The following RTN4IP1 variants were observed in gnomAD, a reference collection of about 807,000 sequenced individuals.
RTN4IP1 encodes the protein reticulon 4 interacting protein 1.
Under a neutral mutation model 46.6 loss-of-function variants are expected in RTN4IP1, and 32 were observed. The ratio of observed to expected loss-of-function variants is 0.69; its 90% CI spans 0.52 to 0.92. RTN4IP1 has a LOEUF of 0.92. RTN4IP1 is among the 40% of genes least tolerant of loss of function. RTN4IP1 has a pLI of 0.00. For missense variants in RTN4IP1, 424 were observed against 485.8 expected, an observed-to-expected ratio of 0.87 and a Z score of 1.20; for synonymous variants, 167 against 161.8, an observed-to-expected ratio of 1.03 and a Z score of -0.24.
intron 5 of RTN4IP1, among the ~76,000 whole-genome samples, chr6:106,602,618 A>G (rs948595623): frequency 4.6e-5 from 7 of 152,176 alleles, no homozygotes; most frequent in Admixed American, 1.3e-4. Context: ...TTCCTTCTAC[A>G]TTAGAATATT....
In RTN4IP1 at chr6:106,621,413, T is replaced by C; in HGVS notation, c.495+12A>G. 6.3e-7 allele frequency: 1 copy of C among 1,599,472 alleles called. No individual in the cohort carries two copies. Among genetic ancestry groups the C allele is most frequent in the Non-Finnish European group, 8.6e-7 (1 of 1,166,762 alleles). On this transcript the variant is annotated intron_variant, in intron 3 of 8. Transcript: ENST00000369063. Reference sequence around the variant, plus strand: ...AACTTTCTAATGCATTTCAGCAGAGTTGGTAAGTTACCTCATTCCCACTGA... The same window carrying C: ...AACTTTCTAATGCATTTCAGCAGAGCTGGTAAGTTACCTCATTCCCACTGA...
At chr6:106,595,252 T>C (rs935728624) in intron 5 of RTN4IP1, among the ~76,000 whole-genome samples, 3 of 152,242 alleles carry the variant, frequency 2.0e-5, no homozygotes, top group Admixed American at 1.3e-4. Flanking sequence ...CACGTCGCTC[T>C]GTCCTCTGTA....
At chr6:106,616,075 C>G (rs746408985) in intron 4 of RTN4IP1, among the ~76,000 whole-genome samples, 6 of 152,108 alleles carry the variant, frequency 3.9e-5, no homozygotes, top group Non-Finnish European at 8.8e-5. Context: ...TGTGCCAACA[C>G]GTCCAGCTAA....
At chr6:106,627,846 G>A (rs1162756717) in intron 1 of RTN4IP1, among the ~76,000 whole-genome samples, 2 of 129,792 alleles carry the variant, frequency 1.5e-5, no homozygotes, top group Non-Finnish European at 3.1e-5. Context: ...TCCGCCTTCC[G>A]GATTCAAGCG....
At chr6:106,597,223 A>G (rs1018350057) in intron 5 of RTN4IP1, among the ~76,000 whole-genome samples, 1 of 152,162 alleles carries the variant, frequency 6.6e-6, no homozygotes, top group East Asian at 1.9e-4. Context: ...AAGTTTCTTT[A>G]ATTATTGTTT....
chr6:106,596,629 T>C (rs1775799930), intron 5 of RTN4IP1, among the ~76,000 whole-genome samples: 1 of 152,200 alleles, frequency 6.6e-6, no homozygotes, highest in Non-Finnish European at 1.5e-5. Context: ...TCAGAACATA[T>C]GGCTGTTCCT....
chr6:106,630,155 C>G (rs1420822321), upstream of RTN4IP1, among the ~76,000 whole-genome samples: 3 of 152,168 alleles, frequency 2.0e-5, no homozygotes. Flanking sequence ...TAGGATTTAC[C>G]TACCACTAAG....
In RTN4IP1 at chr6:106,571,791, A is replaced by C; in HGVS notation, c.*205T>G. ...AAGGAACAGCTTGAAAAAACTTCGA[A>C]TTTCTACTGACTACAGACAAATCCA... is the stretch of plus-strand genomic sequence containing the variant. On this transcript the variant is annotated 3_prime_UTR_variant, in exon 9 of 9. Transcript: ENST00000369063. 1 of 491,662 alleles carries C rather than the reference A, an allele frequency of 2.0e-6. No individual in the cohort carries two copies. The allele number at this position is 491,662 out of a possible 1,614,324, so 30.5% of individuals were successfully genotyped here.
intron 5 of RTN4IP1, among the ~76,000 whole-genome samples, chr6:106,596,538 A>G (rs970241555): frequency 4.6e-5 from 7 of 152,194 alleles, no homozygotes; most frequent in African/African-American, 1.7e-4. Context: ...AGCTGTGATC[A>G]TGTCACTGCA....
At chr6:106,591,667 C>T (rs970792450) in intron 6 of RTN4IP1, among the ~76,000 whole-genome samples, 1 of 152,076 alleles carries the variant, frequency 6.6e-6, no homozygotes, top group African/African-American at 2.4e-5. Flanking sequence ...TGCATTCCTG[C>T]TTGGTACCTC....
At chr6:106,591,025 C>A (rs1775647700) in intron 6 of RTN4IP1, among the ~76,000 whole-genome samples, 1 of 152,194 alleles carries the variant, frequency 6.6e-6, no homozygotes, top group African/African-American at 2.4e-5. Context: ...ACTCTTCCAG[C>A]TGGAGGGATA....
intron 4 of RTN4IP1, among the ~76,000 whole-genome samples, chr6:106,608,305 G>A (rs1776137272): frequency 6.6e-6 from 1 of 152,174 alleles, no homozygotes; most frequent in African/African-American, 2.4e-5. Flanking sequence ...GCAGTGAGTA[G>A]AACTGTGGTT....
At chr6:106,575,867 T>C (rs1188043281) in intron 8 of RTN4IP1, among the ~76,000 whole-genome samples, 1 of 152,200 alleles carries the variant, frequency 6.6e-6, no homozygotes, top group East Asian at 1.9e-4. Flanking sequence ...ATTCCACTTC[T>C]TTTCCTAGAC....
At chr6:106,605,966 A>G (rs1269985189) in intron 4 of RTN4IP1, among the ~76,000 whole-genome samples, 1 of 152,170 alleles carries the variant, frequency 6.6e-6, no homozygotes, top group Non-Finnish European at 1.5e-5. Flanking sequence ...AGAGCAATTA[A>G]GCAAGAGAAA....
rs1037156239 is a variant in RTN4IP1, at chr6:106,571,429, G to A, written c.*567C>T. ...CATTAAGACGATCAGGCCCAGCAGG[G>A]TGGTTCACGCCTGTAATCCCAGAAC... On this transcript the variant is annotated 3_prime_UTR_variant, in exon 9 of 9. Transcript: ENST00000369063. 11 of 152,760 alleles carry A rather than the reference G, an allele frequency of 7.2e-5. No individual in the cohort carries two copies. The highest frequency in any genetic ancestry group is 2.7e-4 in the African/African-American group (11 of 41,436). The allele number at this position is 152,760 out of a possible 1,614,324, so 9.5% of individuals were successfully genotyped here. A position where few individuals can be genotyped will look rare whatever the true frequency, so the allele number is the denominator to read the frequency against.
At chr6:106,605,861 T>C (rs1776058783) in intron 4 of RTN4IP1, among the ~76,000 whole-genome samples, 1 of 142,266 alleles carries the variant, frequency 7.0e-6, no homozygotes, top group Non-Finnish European at 1.5e-5. Context: ...ATACAGAGAC[T>C]ACACTACTGC....
At position 106,621,535 on chromosome 6, in the gene RTN4IP1, T is replaced by C. The variant is rs55832745; in HGVS notation, c.427-42A>G. 66,070 of 1,572,670 alleles carry C rather than the reference T, an allele frequency of 0.042. 1,731 individuals carry two copies. Among genetic ancestry groups the C allele is most frequent in the South Asian group, 0.099 (8,934 of 90,270 alleles). ...CAGACAGCTTCATTAGAAACACAGA[T>C]ATTTTTTGACCGAAGCTAAGCAAGA... On this transcript the variant is annotated intron_variant, in intron 2 of 8. Coordinates refer to ENST00000369063, the MANE Select transcript of RTN4IP1 (RefSeq NM_032730.5).
chr6:106,622,937 G>A lies in RTN4IP1; in HGVS notation c.307C>T (p.Arg103Cys), dbSNP rs779178575. The A allele has an allele frequency of 2.7e-5, 43 of 1,613,950 alleles. No homozygotes were observed. The highest frequency in any genetic ancestry group is 1.6e-4 in the Middle Eastern group (1 of 6,082). The change falls in exon 2 of 9, where the codon CGT becomes TGT. Residue 103 changes from arginine to cysteine, a missense_variant. By Grantham distance (180) the Arg-to-Cys change is radical. Transcript: ENST00000369063. ...GYGATALNMK[R>C]DPLHVKIKGE... ...TTGATTTTCACGTGTAAAGGATCACGCTTCATATTTAAAGCTGTAGCTCCA... is the reference window on the plus strand; with the variant it reads ...TTGATTTTCACGTGTAAAGGATCACACTTCATATTTAAAGCTGTAGCTCCA...
At chr6:106,625,820 C>A (rs554145217) in intron 1 of RTN4IP1, among the ~76,000 whole-genome samples, 2 of 151,708 alleles carry the variant, frequency 1.3e-5, no homozygotes, top group South Asian at 4.2e-4. Context: ...TGCGCCACCA[C>A]GCCTGGCTAA....
Sources: gnomAD v4.1 joint callset for allele counts (sites outside exome capture counted in the v4.1 genomes callset) on GRCh38, gnomAD v4.1.1 for gene constraint, MANE v1.5 for transcripts, NCBI Gene and HGNC (gene_info 2026-07-23, HGNC 2026-07-21) for gene names.